FCHSD2: variants seen among roughly 807,000 people sequenced by gnomAD.
FCHSD2 encodes the protein FCH and double SH3 domains 2.
FCHSD2 carries 38 observed loss-of-function variants against 108.1 expected under a neutral mutation model. That is an observed-to-expected ratio of 0.35 (90% CI 0.27 to 0.46). The LOEUF (loss-of-function observed/expected upper bound fraction) is 0.46. Among genes scored for constraint, FCHSD2 ranks in the 20% least tolerant of loss-of-function variants. FCHSD2 has a pLI of 1.00. For synonymous variants in FCHSD2, 279 were observed against 314.7 expected (o/e 0.89, Z 1.20); for missense variants, 751 against 897.8 (o/e 0.84, Z 2.09).
intron 5 of FCHSD2, among the ~76,000 whole-genome samples, chr11:72,991,238 A>G (rs1304577697): frequency 6.6e-6 from 1 of 152,138 alleles, no homozygotes; most frequent in Non-Finnish European, 1.5e-5. Context: ...CCAACCAAAA[A>G]CAGTCCAGGA....
chr11:72,978,101 A>G (rs1857141454), intron 8 of FCHSD2, among the ~76,000 whole-genome samples: 1 of 152,142 alleles, frequency 6.6e-6, no homozygotes, highest in Non-Finnish European at 1.5e-5. Flanking sequence ...CATAGGTGGG[A>G]ATTGAACAAT....
chr11:73,123,366 C>T (rs1192315882), intron 2 of FCHSD2, among the ~76,000 whole-genome samples: 1 of 152,188 alleles, frequency 6.6e-6, no homozygotes, highest in Non-Finnish European at 1.5e-5. Context: ...GCATATCAAA[C>T]AATGCATATT....
At chr11:73,063,058 A>T (rs1036029515) in intron 3 of FCHSD2, among the ~76,000 whole-genome samples, 3 of 152,218 alleles carry the variant, frequency 2.0e-5, no homozygotes, top group Non-Finnish European at 4.4e-5. Flanking sequence ...GTTACCCACA[A>T]AGGGAAGCCC....
intron 7 of FCHSD2, among the ~76,000 whole-genome samples, 191 bp from the exon 8 acceptor site, chr11:72,984,407 T>C (rs1266790493): frequency 6.6e-6 from 1 of 152,214 alleles, no homozygotes; most frequent in Non-Finnish European, 1.5e-5. Flanking sequence ...AGAACTGTTA[T>C]ACAGGGCAGG....
chr11:72,856,400 C>G (rs61894258), intron 13 of FCHSD2, among the ~76,000 whole-genome samples: 2,384 of 152,274 alleles, frequency 0.016, 40 homozygotes, highest in Non-Finnish European at 0.023. Context: ...TTAAAACTGA[C>G]TCTCCTCTTA....
chr11:72,996,087 A>G (rs1260324085), intron 5 of FCHSD2, among the ~76,000 whole-genome samples: 3 of 152,194 alleles, frequency 2.0e-5, no homozygotes, highest in Non-Finnish European at 2.9e-5. Flanking sequence ...AAAAGGAGTA[A>G]GAGAATTAAG....
intron 2 of FCHSD2, among the ~76,000 whole-genome samples, chr11:73,099,764 C>A (rs1860174111): frequency 6.6e-6 from 1 of 152,184 alleles, no homozygotes; most frequent in South Asian, 2.1e-4. Flanking sequence ...CCCGTGGTTT[C>A]CAGAGAGTGA....
intron 8 of FCHSD2, among the ~76,000 whole-genome samples, chr11:72,932,982 A>G (rs138758312): frequency 1.3e-5 from 2 of 152,372 alleles, no homozygotes; most frequent in Non-Finnish European, 2.9e-5. Context: ...TAAAGGAGTA[A>G]TTGATTTCAT....
chr11:73,036,715 T>C (rs1438947331), intron 3 of FCHSD2, among the ~76,000 whole-genome samples: 1 of 152,236 alleles, frequency 6.6e-6, no homozygotes, highest in Non-Finnish European at 1.5e-5. Context: ...TTCATCCGTG[T>C]AACAAAGCCT....
chr11:72,959,137 T>C (rs1261566672), intron 8 of FCHSD2, among the ~76,000 whole-genome samples: 2 of 151,678 alleles, frequency 1.3e-5, no homozygotes, highest in African/African-American at 4.8e-5. Context: ...TGTATGATTC[T>C]GTCAATACTC....
At chr11:72,986,780 A>G (rs919709677) in intron 6 of FCHSD2, among the ~76,000 whole-genome samples, 13 of 152,202 alleles carry the variant, frequency 8.5e-5, no homozygotes, top group Non-Finnish European at 1.9e-4. Context: ...TAGATAGAAT[A>G]AAATAGTACC....
At chr11:73,103,973 A>G (rs1470606496) in intron 2 of FCHSD2, among the ~76,000 whole-genome samples, 1 of 152,232 alleles carries the variant, frequency 6.6e-6, no homozygotes, top group Non-Finnish European at 1.5e-5. Context: ...GTCCTAATAA[A>G]TATGCCTGGT....
At chr11:72,869,992 G>C (rs1216478836) in intron 12 of FCHSD2, among the ~76,000 whole-genome samples, 1 of 152,070 alleles carries the variant, frequency 6.6e-6, no homozygotes, top group Non-Finnish European at 1.5e-5. Context: ...TCCTTCTACT[G>C]TTTCTTTCCA....
chr11:73,038,010 C>CT (rs1266847696), intron 3 of FCHSD2, among the ~76,000 whole-genome samples: 1 of 152,120 alleles, frequency 6.6e-6, no homozygotes, highest in Non-Finnish European at 1.5e-5. Flanking sequence ...TTCACCAAGT[C>CT]AAGCTTTTTC....
chr11:72,983,442 T>C (rs1241953863), intron 8 of FCHSD2, among the ~76,000 whole-genome samples: 1 of 152,126 alleles, frequency 6.6e-6, no homozygotes, highest in Non-Finnish European at 1.5e-5. Context: ...CACTCTAGCC[T>C]GGACAACAGA....
At chr11:72,950,131 G>T (rs1020581453) in intron 8 of FCHSD2, among the ~76,000 whole-genome samples, 8 of 152,012 alleles carry the variant, frequency 5.3e-5, no homozygotes, top group African/African-American at 1.9e-4. Flanking sequence ...ATGAATAAAG[G>T]TATTACTCAT....
intron 12 of FCHSD2, among the ~76,000 whole-genome samples, chr11:72,871,549 C>T (rs1220782958): frequency 1.3e-5 from 2 of 151,758 alleles, no homozygotes; most frequent in Non-Finnish European, 2.9e-5. Context: ...AAGTAAAGTT[C>T]CACTCTCACT....
At chr11:73,128,096 G>T (rs1565103553) in intron 2 of FCHSD2, among the ~76,000 whole-genome samples, 1 of 151,276 alleles carries the variant, frequency 6.6e-6, no homozygotes, top group Non-Finnish European at 1.5e-5. Flanking sequence ...TCAGAAGACT[G>T]AAGTGGTAAG....
intron 19 of FCHSD2, among the ~76,000 whole-genome samples, chr11:72,840,362 TG>T (rs1860879813): frequency 6.6e-6 from 1 of 152,214 alleles, no homozygotes; most frequent in African/African-American, 2.4e-5. Context: ...AGTATCCGAC[TG>T]GATTACCGTG....
Sources: gnomAD v4.1 joint callset for allele counts (sites outside exome capture counted in the v4.1 genomes callset) on GRCh38, gnomAD v4.1.1 for gene constraint, MANE v1.5 for transcripts, NCBI Gene and HGNC (gene_info 2026-07-23, HGNC 2026-07-21) for gene names.